The following IL1RAPL1 variants were observed in gnomAD, a reference collection of about 807,000 sequenced individuals.
The protein encoded by IL1RAPL1 is interleukin-1 receptor accessory protein-like 1.
IL1RAPL1 carries 3 observed loss-of-function variants against 48.4 expected under a neutral mutation model. That is an observed-to-expected ratio of 0.06 (90% CI 0.03 to 0.16). IL1RAPL1 has a LOEUF of 0.16. Among genes scored for constraint, IL1RAPL1 ranks in the 10% least tolerant of loss-of-function variants. The probability of loss-of-function intolerance (pLI) is 1.00; values close to 1 mark genes in which losing one functional copy is unlikely to be tolerated. For synonymous variants in IL1RAPL1, 185 were observed against 187.7 expected (o/e 0.99, Z 0.12); for missense variants, 349 against 530.6 (o/e 0.66, Z 3.36).
intron 5 of IL1RAPL1, among the ~76,000 whole-genome samples, chrX:29,417,928 C>G (rs4829415): frequency 0.38 from 40,071 of 105,789 alleles, 6,454 homozygotes; most frequent in Middle Eastern, 0.54. Context: ...ATTACCCACC[C>G]TCAGAGTCTT....
chrX:29,017,344 G>C (rs1486651402), intron 2 of IL1RAPL1, among the ~76,000 whole-genome samples: 2 of 112,061 alleles, frequency 1.8e-5, no homozygotes, highest in Non-Finnish European at 3.8e-5. Flanking sequence ...CCTGCTTATA[G>C]TAAGCGTTTA....
intron 2 of IL1RAPL1, among the ~76,000 whole-genome samples, chrX:28,994,313 G>T (rs1925679059): frequency 1.8e-5 from 2 of 111,607 alleles, no homozygotes; most frequent in African/African-American, 3.3e-5. Flanking sequence ...GGTCATAAAA[G>T]TGGGGGAATA....
intron 1 of IL1RAPL1, among the ~76,000 whole-genome samples, chrX:28,682,200 A>T (rs1935067927): frequency 8.9e-6 from 1 of 111,988 alleles, no homozygotes; most frequent in South Asian, 3.7e-4. Context: ...GTTGATATAT[A>T]TATTCATTGT....
chrX:28,601,989 C>T (rs1224270149), intron 1 of IL1RAPL1, among the ~76,000 whole-genome samples: 1 of 108,233 alleles, frequency 9.2e-6, no homozygotes, highest in Non-Finnish European at 1.9e-5. Flanking sequence ...CCTGTAATCC[C>T]AGCTACTTGG....
intron 1 of IL1RAPL1, among the ~76,000 whole-genome samples, chrX:28,704,832 A>AC (rs1491392987): frequency 0.016 from 706 of 44,801 alleles, 3 homozygotes; most frequent in African/African-American, 0.044. Context: ...ACACACACAC[A>AC]AAAAAAAAAA....
chrX:29,571,273 G>C (rs909132526), intron 5 of IL1RAPL1, among the ~76,000 whole-genome samples: 2 of 111,139 alleles, frequency 1.8e-5, no homozygotes, highest in Non-Finnish European at 3.8e-5. Flanking sequence ...TTTCTTCAGT[G>C]TGCTCTTCAC....
chrX:29,788,115 G>A (rs922604661), intron 6 of IL1RAPL1, among the ~76,000 whole-genome samples: 6 of 111,594 alleles, frequency 5.4e-5, no homozygotes, highest in Admixed American at 2.9e-4. Context: ...GTGTGTGTGT[G>A]TGTGTATGTA....
At chrX:29,146,314 C>T (rs1313567941) in intron 2 of IL1RAPL1, among the ~76,000 whole-genome samples, 1 of 111,397 alleles carries the variant, frequency 9.0e-6, no homozygotes. Context: ...TTTTTGTTCA[C>T]TCCTTCACCT....
intron 2 of IL1RAPL1, among the ~76,000 whole-genome samples, chrX:28,832,913 A>G (rs975995712): frequency 3.8e-5 from 4 of 104,936 alleles, no homozygotes; most frequent in Non-Finnish European, 7.8e-5. Context: ...GATACAAATG[A>G]TCATGTCATC....
At chrX:28,595,076 T>C (rs181090280) in intron 1 of IL1RAPL1, among the ~76,000 whole-genome samples, 93 of 112,387 alleles carry the variant, frequency 8.3e-4, no homozygotes, top group African/African-American at 2.9e-3. Context: ...ATCTTCTAGC[T>C]ACACTTTATC....
chrX:29,691,365 G>A (rs947699261), intron 6 of IL1RAPL1, among the ~76,000 whole-genome samples: 8 of 111,575 alleles, frequency 7.2e-5, no homozygotes, highest in African/African-American at 2.6e-4. Flanking sequence ...TGGGTTGCTC[G>A]ATGTATTTAG....
intron 2 of IL1RAPL1, among the ~76,000 whole-genome samples, chrX:28,923,293 C>T (rs1215007591): frequency 2.7e-5 from 3 of 110,521 alleles, no homozygotes; most frequent in Non-Finnish European, 3.8e-5. Context: ...TCTCCAGCCT[C>T]AGCCTCCCAA....
intron 1 of IL1RAPL1, among the ~76,000 whole-genome samples, chrX:28,702,079 G>A (rs1935306316): frequency 9.0e-6 from 1 of 111,450 alleles, no homozygotes; most frequent in Non-Finnish European, 1.9e-5. Flanking sequence ...TTTGGAGGCT[G>A]TGGTGCTAGA....
chrX:28,774,787 T>G (rs1936345164), intron 1 of IL1RAPL1, among the ~76,000 whole-genome samples: 1 of 111,552 alleles, frequency 9.0e-6, no homozygotes, highest in Non-Finnish European at 1.9e-5. Flanking sequence ...TCTCAAACTT[T>G]ATCCAAAACA....
intron 1 of IL1RAPL1, among the ~76,000 whole-genome samples, chrX:28,596,648 G>A (rs749742788): frequency 9.0e-6 from 1 of 111,602 alleles, no homozygotes; most frequent in Non-Finnish European, 1.9e-5. Context: ...AAATGGTCTC[G>A]TATTTGCATA....
intron 2 of IL1RAPL1, among the ~76,000 whole-genome samples, chrX:29,152,207 G>A (rs928297942): frequency 1.8e-5 from 2 of 110,749 alleles, no homozygotes; most frequent in Admixed American, 1.9e-4. Flanking sequence ...AGACCAACAT[G>A]GGATTAAACC....
intron 9 of IL1RAPL1, among the ~76,000 whole-genome samples, chrX:29,946,137 T>C (rs1933209503): frequency 8.9e-6 from 1 of 112,182 alleles, no homozygotes. Context: ...AACTGCTTTG[T>C]CCAAGCCTCC....
chrX:29,465,635 T>A (rs1934854085), intron 5 of IL1RAPL1, among the ~76,000 whole-genome samples: 1 of 111,016 alleles, frequency 9.0e-6, no homozygotes, highest in Non-Finnish European at 1.9e-5. Context: ...GGGTACAGAA[T>A]GGGCATTGGG....
intron 5 of IL1RAPL1, among the ~76,000 whole-genome samples, chrX:29,501,677 A>G (rs181961621): frequency 9.0e-5 from 10 of 110,593 alleles, no homozygotes; most frequent in African/African-American, 3.0e-4. Flanking sequence ...ATCTGTGTCT[A>G]TCTTTATGTC....
Sources: allele counts gnomAD v4.1 joint callset (sites outside exome capture counted in the v4.1 genomes callset), GRCh38; gene constraint gnomAD v4.1.1; transcripts MANE v1.5; gene names NCBI Gene and HGNC (gene_info 2026-07-23, HGNC 2026-07-21).